Variants in CCDC171 observed in about 807,000 individuals in gnomAD.
CCDC171 encodes coiled-coil domain containing 171.
Under a neutral mutation model 168.2 loss-of-function variants are expected in CCDC171, and 177 were observed. The ratio of observed to expected loss-of-function variants is 1.05; its 90% CI spans 0.93 to 1.19. The LOEUF (loss-of-function observed/expected upper bound fraction) is 1.19. CCDC171 is among the 50% of genes most tolerant of loss of function. The probability of loss-of-function intolerance (pLI) is 0.00; values close to 1 mark genes in which losing one functional copy is unlikely to be tolerated. For synonymous variants in CCDC171, 687 were observed against 540.8 expected, an observed-to-expected ratio of 1.27 and a Z score of -3.75; for missense variants, 1,991 against 1,539.0, an observed-to-expected ratio of 1.29 and a Z score of -4.91.
At chr9:15,912,596 G>C (rs1411636143) in intron 24 of CCDC171, among the ~76,000 whole-genome samples, 1 of 152,058 alleles carries the variant, frequency 6.6e-6, no homozygotes, top group African/African-American at 2.4e-5. Context: ...AGGGGTGAGA[G>C]GGCATCCTTG....
At chr9:16,079,539 G>C in the CCDC171 span, among the ~76,000 whole-genome samples, 1 of 152,202 alleles carries the variant, frequency 6.6e-6, no homozygotes, top group Non-Finnish European at 1.5e-5. Context: ...GTTGGATGAA[G>C]GCAAGAAGCA....
At chr9:16,017,095 G>T (rs1053691375) in intron 3 of CCDC171, among the ~76,000 whole-genome samples, 1 of 151,834 alleles carries the variant, frequency 6.6e-6, no homozygotes, top group African/African-American at 2.4e-5. Flanking sequence ...GGTTATTGGT[G>T]GTGGAGTAGA....
At chr9:15,838,493 A>G (rs566685077) in intron 21 of CCDC171, among the ~76,000 whole-genome samples, 30 of 152,216 alleles carry the variant, frequency 2.0e-4, no homozygotes, top group Non-Finnish European at 3.8e-4. Flanking sequence ...CTTCTATTAC[A>G]ATAGTTGGCA....
intron 7 of CCDC171, among the ~76,000 whole-genome samples, chr9:15,644,952 G>A (rs996026051): frequency 2.0e-5 from 3 of 152,204 alleles, no homozygotes; most frequent in African/African-American, 7.2e-5. Flanking sequence ...TCTTCAAGAG[G>A]GTCCCTGACC....
chr9:15,872,674 G>A (rs1355653682), intron 23 of CCDC171, among the ~76,000 whole-genome samples: 1 of 151,824 alleles, frequency 6.6e-6, no homozygotes, highest in Non-Finnish European at 1.5e-5. Context: ...TTTGATTCTG[G>A]GTGAGTTTTT....
chr9:15,678,676 T>G, intron 9 of CCDC171, 82 bp from the exon 10 acceptor site: 1 of 1,144,232 alleles, frequency 8.7e-7, no homozygotes, highest in Non-Finnish European at 1.2e-6. Flanking sequence ...ATGTAGTACA[T>G]CTGCCATATG....
chr9:15,863,835 T>A (rs2061659670), intron 23 of CCDC171, among the ~76,000 whole-genome samples: 1 of 152,050 alleles, frequency 6.6e-6, no homozygotes. Flanking sequence ...AAAATTATAA[T>A]CTGACAACTC....
intron 7 of CCDC171, among the ~76,000 whole-genome samples, chr9:15,652,759 G>C (rs2047628076): frequency 1.3e-5 from 2 of 152,124 alleles, no homozygotes; most frequent in Admixed American, 1.3e-4. Flanking sequence ...TAGCTTTGTA[G>C]TGAGTTTTGC....
intron 9 of CCDC171, among the ~76,000 whole-genome samples, chr9:15,672,763 A>G (rs775807343): frequency 6.6e-6 from 1 of 152,148 alleles, no homozygotes. Context: ...GCCTTGTAGT[A>G]TAGTTTAAAG....
chr9:15,875,763 T>C (rs1047658865), intron 24 of CCDC171: 1 of 151,994 alleles, frequency 6.6e-6, no homozygotes, highest in African/African-American at 2.4e-5. Context: ...AAATTAATGC[T>C]CTACAAGGAA....
At chr9:15,920,561 TTGTG>T (rs1825183546) in intron 25 of CCDC171, 139 bp downstream of exon 25, 3 of 622,742 alleles carry the variant, frequency 4.8e-6, no homozygotes, top group Non-Finnish European at 7.6e-6. Flanking sequence ...ATAAAATTAT[TTGTG>T]TGGAGAAAAA....
At chr9:15,726,555 G>C (rs574894931) in intron 14 of CCDC171, among the ~76,000 whole-genome samples, 1 of 152,058 alleles carries the variant, frequency 6.6e-6, no homozygotes, top group Admixed American at 6.5e-5. Context: ...TAGCATATTT[G>C]TGAAAAAAAT....
At chr9:15,854,005 T>C (rs1388109844) in intron 23 of CCDC171, among the ~76,000 whole-genome samples, 2 of 115,876 alleles carry the variant, frequency 1.7e-5, no homozygotes. Context: ...GTTTGCTAGG[T>C]TTTTTTTTTT....
chr9:15,608,557 A>G (rs1198583853), intron 6 of CCDC171, among the ~76,000 whole-genome samples: 1 of 152,070 alleles, frequency 6.6e-6, no homozygotes. Context: ...GACATTGACC[A>G]TGTTACGTTT....
chr9:15,587,614 C>A, intron 4 of CCDC171: 1 of 456,166 alleles, frequency 2.2e-6, no homozygotes, highest in Non-Finnish European at 4.4e-6. Context: ...TGGAGGTTTC[C>A]CAATAAATGA....
At chr9:15,897,390 G>A (rs999399086) in intron 24 of CCDC171, among the ~76,000 whole-genome samples, 3 of 151,746 alleles carry the variant, frequency 2.0e-5, no homozygotes, top group African/African-American at 7.3e-5. Context: ...AATTATGTAT[G>A]TTTTTAGCAT....
At chr9:15,818,861 C>T (rs567263976) in intron 21 of CCDC171, among the ~76,000 whole-genome samples, 1 of 116,158 alleles carries the variant, frequency 8.6e-6, no homozygotes, top group South Asian at 2.8e-4. Context: ...AAATACTCCT[C>T]GAGAAGAGCA....
At chr9:15,623,495 A>ACACC in intron 7 of CCDC171, 82 bp downstream of exon 7, 1 of 659,598 alleles carries the variant, frequency 1.5e-6, no homozygotes, top group Non-Finnish European at 2.4e-6. Flanking sequence ...ACACACACAC[A>ACACC]CACACACACA....
intron 7 of CCDC171, among the ~76,000 whole-genome samples, chr9:15,630,197 T>C (rs1046405228): frequency 9.9e-5 from 15 of 152,132 alleles, no homozygotes; most frequent in African/African-American, 3.6e-4. Flanking sequence ...TAAATGTAAA[T>C]GGGCTAAGTG....
Sources: allele counts gnomAD v4.1 joint callset (sites outside exome capture counted in the v4.1 genomes callset), GRCh38; gene constraint gnomAD v4.1.1; transcripts MANE v1.5; gene names NCBI Gene and HGNC (gene_info 2026-07-23, HGNC 2026-07-21).